The following CCDC69 variants were observed in gnomAD, a reference collection of about 807,000 sequenced individuals.
CCDC69 encodes the protein coiled-coil domain containing 69, also known as coiled-coil domain-containing protein 69.
In CCDC69, 38 loss-of-function variants were observed where a neutral mutation model predicts 40.3. That is an observed-to-expected ratio of 0.94 (90% confidence interval 0.73 to 1.24). The LOEUF is 1.24. Ranked by LOEUF, CCDC69 falls within the 50% of genes most tolerant of loss-of-function variation. The pLI is 0.00. For synonymous variants in CCDC69, 141 were observed against 138.9 expected (o/e 1.02, Z -0.11); for missense variants, 389 against 357.9 (o/e 1.09, Z -0.70).
At chr5:151,209,491 T>C (rs1325006705) in intron 1 of CCDC69, among the ~76,000 whole-genome samples, 1 of 152,184 alleles carries the variant, frequency 6.6e-6, no homozygotes, top group African/African-American at 2.4e-5. Flanking sequence ...CCCCAGCTCT[T>C]GACAAAACAA....
At chr5:151,204,573 C>T (rs1486338018) in intron 2 of CCDC69, among the ~76,000 whole-genome samples, 2 of 152,208 alleles carry the variant, frequency 1.3e-5, no homozygotes, top group Non-Finnish European at 2.9e-5. Context: ...GGCCTTAATA[C>T]TGACCTCTGT....
intron 1 of CCDC69, chr5:151,212,630 C>T (rs13183776): frequency 0.098 from 36,515 of 371,360 alleles, 2,029 homozygotes; most frequent in Non-Finnish European, 0.12. Flanking sequence ...CACTGGAAGA[C>T]GTCCCAAAGA....
Position 151,205,400 on chromosome 5 carries a change from C to A in CCDC69, c.124G>T (p.Ala42Ser). ...GGCCTTTGTGGGGCTGGCTACTCAC[C>A]TGTGTCCCCATTGAGGGGACCTAAT... ...HELGPLNGDT[A>S]ITVQLCASEE... Residue 42 changes from alanine (A) to serine (S), a missense_variant and splice_region_variant, in exon 2 of 9, where the codon GCT (alanine) becomes TCT (serine). Physicochemically the swap from Ala to Ser is moderately conservative, Grantham distance 99 (BLOSUM62 1). Transcript: ENST00000355417. 1 of 1,613,300 alleles carries A rather than the reference C, an allele frequency of 6.2e-7. No homozygotes were observed. Among genetic ancestry groups the A allele is most frequent in the Non-Finnish European group, 8.5e-7 (1 of 1,179,250 alleles).
chr5:151,221,015 A>T (rs892190960), intron 1 of CCDC69, among the ~76,000 whole-genome samples: 3 of 152,008 alleles, frequency 2.0e-5, no homozygotes. Context: ...CACGATCCAG[A>T]TGGTTCCTCA....
intron 1 of CCDC69, among the ~76,000 whole-genome samples, chr5:151,207,738 T>C (rs1752872729): frequency 6.6e-6 from 1 of 152,180 alleles, no homozygotes; most frequent in South Asian, 2.1e-4. Flanking sequence ...CACACCATCA[T>C]TTTCTCATCT....
Position 151,205,527 on chromosome 5 carries a change from G to A in CCDC69, c.49-52C>T, listed in dbSNP as rs778393497. 5 of 1,447,090 alleles carry A rather than the reference G, an allele frequency of 3.5e-6. No individual in the cohort carries two copies. In the Admixed American group the frequency reaches 8.5e-5, roughly 25 times the overall value. The allele number at this position is 1,447,090 out of a possible 1,614,324, so 89.6% of individuals were successfully genotyped here. On this transcript the variant is annotated intron_variant, in intron 1 of 8. Coordinates refer to ENST00000355417, the MANE Select transcript of CCDC69 (RefSeq NM_015621.3). ...CGTGGGTAGAGGGTGGGAGGTCAATGCGAGGACGGGCTGCTATAGTGGGAC... is the reference window on the plus strand; with the variant it reads ...CGTGGGTAGAGGGTGGGAGGTCAATACGAGGACGGGCTGCTATAGTGGGAC...
At chr5:151,197,770 G>T (rs1444000244) in intron 4 of CCDC69, among the ~76,000 whole-genome samples, 1 of 152,134 alleles carries the variant, frequency 6.6e-6, no homozygotes, top group East Asian at 1.9e-4. Flanking sequence ...TAAAACCGGG[G>T]TTGATTATGT....
In CCDC69 at chr5:151,186,247, T is replaced by C. The variant is rs574587103; in HGVS notation, c.394-123A>G. 19 of 719,192 alleles carry C rather than the reference T, an allele frequency of 2.6e-5. No homozygotes were observed. The East Asian group carries it at 3.5e-4, about 13-fold the overall frequency. The allele number at this position is 719,192 out of a possible 1,614,324, so 44.6% of individuals were successfully genotyped here. On this transcript the variant is annotated intron_variant, in intron 5 of 8. Transcript: ENST00000355417. ...TCAATCTGTCTTTGGCTACTCTACA[T>C]GACAATGCAACATCAACATACTTCG...
At chr5:151,190,593 G>T (rs1158717130) in intron 4 of CCDC69, among the ~76,000 whole-genome samples, 1 of 148,822 alleles carries the variant, frequency 6.7e-6, no homozygotes, top group Non-Finnish European at 1.5e-5. Context: ...TTGAACCCAG[G>T]AGGCAGAGTT....
chr5:151,206,188 G>A (rs1256303683), intron 1 of CCDC69, among the ~76,000 whole-genome samples: 1 of 152,102 alleles, frequency 6.6e-6, no homozygotes, highest in African/African-American at 2.4e-5. Flanking sequence ...TATAATGACT[G>A]GTTTATTGTA....
chr5:151,182,848 A>G lies in CCDC69; in HGVS notation c.*589T>C. 2.8e-6 allele frequency: 1 copy of G among 354,508 alleles called. No homozygotes were observed. The highest frequency in any genetic ancestry group is 5.6e-6 in the Non-Finnish European group (1 of 178,496). The allele number at this position is 354,508 out of a possible 1,614,324, so 22.0% of individuals were successfully genotyped here. ...AAGGGCCTTCAGAGACCCCCTCTCT[A>G]CCACTCACCTTCCCCACTCTGATTT... On this transcript the variant is annotated 3_prime_UTR_variant, in exon 9 of 9. Coordinates refer to ENST00000355417, the MANE Select transcript of CCDC69 (RefSeq NM_015621.3).
At chr5:151,196,102 G>A (rs1752695719) in intron 4 of CCDC69, among the ~76,000 whole-genome samples, 1 of 152,160 alleles carries the variant, frequency 6.6e-6, no homozygotes, top group East Asian at 1.9e-4. Flanking sequence ...TAAATGAAAA[G>A]AACAGGATAT....
chr5:151,198,311 T>G (rs189200838), intron 4 of CCDC69, among the ~76,000 whole-genome samples: 5 of 145,102 alleles, frequency 3.4e-5, no homozygotes, highest in Non-Finnish European at 7.5e-5. Flanking sequence ...TCTATCTATC[T>G]ATCTATCTAT....
At chr5:151,200,137 C>A (rs942749964) in intron 3 of CCDC69, among the ~76,000 whole-genome samples, 3 of 151,808 alleles carry the variant, frequency 2.0e-5, no homozygotes, top group African/African-American at 7.3e-5. Context: ...TTTATAACTA[C>A]GGAGACTTTT....
intron 6 of CCDC69, 84 bp from the exon 7 acceptor site, chr5:151,185,625 C>G: frequency 7.0e-7 from 1 of 1,419,372 alleles, no homozygotes; most frequent in Non-Finnish European, 9.8e-7. Context: ...GTTGGACTTT[C>G]ACAAGTCACC....
At chr5:151,201,483 T>C in intron 3 of CCDC69, 99 bp downstream of exon 3, 1 of 744,442 alleles carries the variant, frequency 1.3e-6, no homozygotes, top group Non-Finnish European at 2.3e-6. Flanking sequence ...TAAGGGACTC[T>C]TACAACAGCA....
At chr5:151,223,286 T>G (rs978910525) in intron 1 of CCDC69, among the ~76,000 whole-genome samples, 1 of 152,166 alleles carries the variant, frequency 6.6e-6, no homozygotes, top group Non-Finnish European at 1.5e-5. Flanking sequence ...CAGAACGCAG[T>G]AGATCTCCTC....
At chr5:151,193,893 G>A (rs1582041701) in intron 4 of CCDC69, among the ~76,000 whole-genome samples, 1 of 152,166 alleles carries the variant, frequency 6.6e-6, no homozygotes, top group African/African-American at 2.4e-5. Flanking sequence ...TCCACAGTAA[G>A]GACAAGCAAG....
chr5:151,188,554 G>A (rs1467847533), intron 4 of CCDC69, among the ~76,000 whole-genome samples: 3 of 151,136 alleles, frequency 2.0e-5, no homozygotes, highest in Non-Finnish European at 4.4e-5. Flanking sequence ...GCAGTGAGCT[G>A]AGATCACGCC....
Sources: gnomAD v4.1 joint callset for allele counts (sites outside exome capture counted in the v4.1 genomes callset) on GRCh38, gnomAD v4.1.1 for gene constraint, MANE v1.5 for transcripts, NCBI Gene and HGNC (gene_info 2026-07-23, HGNC 2026-07-21) for gene names.